PCNX4: variants seen among roughly 807,000 people sequenced by gnomAD.
PCNX4 encodes the protein pecanex 4, also known as pecanex-like protein 4.
Under a neutral mutation model 107.2 loss-of-function variants are expected in PCNX4, and 103 were observed. That is an observed-to-expected ratio of 0.96 (90% CI 0.82 to 1.13). PCNX4 has a LOEUF of 1.13. Ranked by LOEUF, PCNX4 falls within the 50% of genes most tolerant of loss-of-function variation. The pLI, the probability that PCNX4 is intolerant of heterozygous loss-of-function variation, is 0.00. For missense variants in PCNX4, 1,528 were observed against 1,379.4 expected (o/e 1.11, Z -1.71); for synonymous variants, 541 against 481.7 (o/e 1.12, Z -1.61).
chr14:60,114,009 G>A (rs1895789563), intron 2 of PCNX4, among the ~76,000 whole-genome samples: 1 of 152,168 alleles, frequency 6.6e-6, no homozygotes, highest in Non-Finnish European at 1.5e-5. Context: ...GTGCAAGTTT[G>A]TGTTCTCAGA....
chr14:60,109,108 A>G (rs1895687669), intron 2 of PCNX4: 1 of 166,988 alleles, frequency 6.0e-6, no homozygotes, highest in Non-Finnish European at 1.5e-5. Context: ...CCCTTATGAG[A>G]AGAGGTACCA....
intron 5 of PCNX4, 50 bp from the exon 6 acceptor site, chr14:60,115,891 T>A (rs1420628856): frequency 1.9e-6 from 3 of 1,589,908 alleles, no homozygotes; most frequent in African/African-American, 1.3e-5. Context: ...AATAGTTTGC[T>A]TAGATTATCT....
chr14:60,144,981 C>A lies in PCNX4; in HGVS notation c.*10760C>A. On this transcript the variant is annotated 3_prime_UTR_variant, in exon 11 of 11. Transcript: ENST00000406854. ...GGTGCTCTTTTCAGTCATGTTTTGT[C>A]TTAAAGATTTTAAAATAAGAAGAGT... 1 of 1,603,254 alleles carries A rather than the reference C, an allele frequency of 6.2e-7. No individual in the cohort carries two copies. The highest frequency in any genetic ancestry group is 8.5e-7 in the Non-Finnish European group (1 of 1,177,024).
chr14:60,104,561 G>T (rs911598209), intron 1 of PCNX4, among the ~76,000 whole-genome samples: 1 of 152,142 alleles, frequency 6.6e-6, no homozygotes, highest in African/African-American at 2.4e-5. Context: ...CCAAGACTGG[G>T]TAATTTATAA....
At position 60,108,229 on chromosome 14, in the gene PCNX4, A is replaced by G; in HGVS notation, c.591A>G (p.Thr197=). The stretch of plus-strand genomic sequence containing the variant: ...ATTCTTTAATTGTAAACACAGCTAC[A>G]GAGACTGCGACTTTCCAAACACAGG... ...AEYSLIVNTA[T]ETATFQTQDT... is the part of the protein sequence containing the mutation. The change falls in exon 2 of 11, where the codon ACA becomes ACG. Residue 197 remains threonine, a synonymous_variant. Coordinates refer to ENST00000406854, the MANE Select transcript of PCNX4 (RefSeq NM_001330177.2). The G allele has an allele frequency of 6.2e-7, 1 of 1,612,756 alleles. No homozygotes were observed. The highest frequency in any genetic ancestry group is 1.7e-5 in the Admixed American group (1 of 60,032).
intron 6 of PCNX4, among the ~76,000 whole-genome samples, chr14:60,117,050 A>G (rs1233693920): frequency 6.6e-6 from 1 of 152,166 alleles, no homozygotes; most frequent in African/African-American, 2.4e-5. Context: ...AAAGTAAAAA[A>G]GAAAGTATAA....
Position 60,134,089 on chromosome 14 carries a change from A to G in PCNX4, c.3387A>G (p.Thr1129=), listed in dbSNP as rs758496644. The G allele has an allele frequency of 6.2e-7, 1 of 1,613,918 alleles. No homozygotes were observed. The highest frequency in any genetic ancestry group is 8.5e-7 in the Non-Finnish European group (1 of 1,179,824). The change falls in exon 11 of 11, where the codon ACA becomes ACG. Residue 1129 remains threonine, a synonymous_variant. Coordinates refer to ENST00000406854, the MANE Select transcript of PCNX4 (RefSeq NM_001330177.2). The stretch of plus-strand genomic sequence containing the variant: ...TTTCATGGGAATTACTTTATGCCAC[A>G]AACGATGATGAAGAACGTTATAGTA... ...ANLSWELLYA[T]NDDEERYSIQ... is the part of the protein sequence containing the mutation.
chr14:60,141,267 A>G lies in PCNX4; in HGVS notation c.*7046A>G, dbSNP rs441282. 0.28 allele frequency: 42,527 copies of G among 152,166 alleles called. 8,222 individuals are homozygous for G. The highest frequency in any genetic ancestry group is 0.54 in the African/African-American group (22,536 of 41,468). The allele number at this position is 152,166 out of a possible 1,614,324, so 9.4% of individuals were successfully genotyped here. ...AGAAAAAGAATAGCAAAATAAGCCC[A>G]AAGCAGGCAAAAGAAAGGAAATAAC... On this transcript the variant is annotated 3_prime_UTR_variant, in exon 11 of 11. Transcript: ENST00000406854.
intron 2 of PCNX4, 74 bp from the exon 3 acceptor site, chr14:60,114,626 G>A: frequency 7.7e-7 from 1 of 1,291,430 alleles, no homozygotes; most frequent in South Asian, 1.5e-5. Context: ...GTTATTCTGT[G>A]TTGCTTTGCT....
intron 10 of PCNX4, among the ~76,000 whole-genome samples, chr14:60,126,683 G>A (rs183418227): frequency 3.9e-5 from 6 of 152,270 alleles, no homozygotes; most frequent in African/African-American, 1.4e-4. Flanking sequence ...AGGAAGGGCA[G>A]GAGTTCAACG....
intron 1 of PCNX4, among the ~76,000 whole-genome samples, chr14:60,095,398 A>G (rs945459647): frequency 2.0e-5 from 3 of 152,338 alleles, no homozygotes; most frequent in East Asian, 1.9e-4. Context: ...TAAGCTGTCA[A>G]TTGACATTGC....
chr14:60,122,384 CT>C (rs973448891), intron 8 of PCNX4, among the ~76,000 whole-genome samples: 1 of 152,030 alleles, frequency 6.6e-6, no homozygotes, highest in East Asian at 1.9e-4. Context: ...CCTCTTTGGC[CT>C]TTATTGCTTT....
At position 60,112,999 on chromosome 14, in the gene PCNX4, T is replaced by C. The variant is rs1181200252; in HGVS notation, c.690-1701T>C. On this transcript the variant is annotated intron_variant, in intron 2 of 10. Coordinates refer to ENST00000406854, the MANE Select transcript of PCNX4 (RefSeq NM_001330177.2). Reference sequence around the variant, plus strand: ...GACATCGAGACCATCCTGGCCAACATGGTGAAACCCTGTCTCTACTAAAAA... The same window carrying C: ...GACATCGAGACCATCCTGGCCAACACGGTGAAACCCTGTCTCTACTAAAAA... 2.6e-5 allele frequency among the ~76,000 whole-genome samples: 4 copies of C among 152,250 alleles called. No individual in the cohort carries two copies. The East Asian group carries it at 7.7e-4, about 29-fold the overall frequency.
intron 1 of PCNX4, among the ~76,000 whole-genome samples, chr14:60,101,454 G>A (rs1046518063): frequency 6.6e-6 from 1 of 152,126 alleles, no homozygotes; most frequent in African/African-American, 2.4e-5. Context: ...AATGAGCAAA[G>A]ATTTGATAAA....
At chr14:60,117,632 A>G (rs945793605) in intron 6 of PCNX4, among the ~76,000 whole-genome samples, 1 of 152,182 alleles carries the variant, frequency 6.6e-6, no homozygotes, top group Non-Finnish European at 1.5e-5. Flanking sequence ...TTCTTAGAAC[A>G]TATCCTTCTC....
At position 60,124,228 on chromosome 14, in the gene PCNX4, T is replaced by C; in HGVS notation, c.2057T>C (p.Leu686Ser). The change falls in exon 9 of 11, where the codon TTG becomes TCG. Residue 686 changes from leucine (L) to serine (S), a missense_variant. By Grantham distance (145) the Leu-to-Ser change is moderately radical. Coordinates refer to ENST00000406854, the MANE Select transcript of PCNX4 (RefSeq NM_001330177.2). Reference protein sequence around the residue: ...YCSINIKGLELQETSCHTAEA... With the variant: ...YCSINIKGLESQETSCHTAEA... ...TTATTTCTTCTTTAGGGGTTAGAATTGCAGGAAACATCCTGTCATACTGCA... is the reference window on the plus strand; with the variant it reads ...TTATTTCTTCTTTAGGGGTTAGAATCGCAGGAAACATCCTGTCATACTGCA... The C allele has an allele frequency of 6.3e-7, 1 of 1,579,948 alleles. No homozygotes were observed. The highest frequency in any genetic ancestry group is 8.6e-7 in the Non-Finnish European group (1 of 1,163,162).
rs1054083061 is a variant in PCNX4, at chr14:60,136,011, C to T, written c.*1790C>T. 6.6e-6 allele frequency: 1 copy of T among 152,054 alleles called. No homozygotes were observed. Among genetic ancestry groups the T allele is most frequent in the African/African-American group, 2.4e-5 (1 of 41,376 alleles). 9.4% of individuals were successfully genotyped at this position (152,054 alleles called of 1,614,324 possible). A position where few individuals can be genotyped will look rare whatever the true frequency, so the allele number is the denominator to read the frequency against. ...TTAACCTTGCATCCTCCTCAAAGTG[C>T]TCCCATATCTCCATTTCATTCATAG... is the stretch of plus-strand genomic sequence containing the variant. On this transcript the variant is annotated 3_prime_UTR_variant, in exon 11 of 11. Transcript: ENST00000406854.
chr14:60,133,900 G>A, intron 10 of PCNX4, 70 bp from the exon 11 acceptor site: 1 of 1,428,178 alleles, frequency 7.0e-7, no homozygotes, highest in Non-Finnish European at 9.4e-7. Flanking sequence ...CTAAGTTTAT[G>A]AATAAAATAT....
rs1046618656 is a variant in PCNX4, at chr14:60,135,061, C to T, written c.*840C>T. 2.0e-5 allele frequency: 3 copies of T among 152,174 alleles called. No homozygotes were observed. The highest frequency in any genetic ancestry group is 4.4e-5 in the Non-Finnish European group (3 of 68,020). 9.4% of individuals were successfully genotyped at this position (152,174 alleles called of 1,614,324 possible). Reference sequence around the variant, plus strand: ...TGGAAGAAAATTTTTATAATACGATCTGAATTTTATTTTCATTCTCTTCTT... The same window carrying T: ...TGGAAGAAAATTTTTATAATACGATTTGAATTTTATTTTCATTCTCTTCTT... On this transcript the variant is annotated 3_prime_UTR_variant, in exon 11 of 11. Coordinates refer to ENST00000406854, the MANE Select transcript of PCNX4 (RefSeq NM_001330177.2).
Sources: gnomAD v4.1 joint callset for allele counts (sites outside exome capture counted in the v4.1 genomes callset) on GRCh38, gnomAD v4.1.1 for gene constraint, MANE v1.5 for transcripts, NCBI Gene and HGNC (gene_info 2026-07-23, HGNC 2026-07-21) for gene names.